ARHGAP42: variants seen among roughly 807,000 people sequenced by gnomAD.
ARHGAP42 encodes the protein Rho GTPase activating protein 42.
A neutral mutation model predicts 125.0 loss-of-function variants in ARHGAP42; 63 were observed. That is an observed-to-expected ratio of 0.50 (90% confidence interval 0.41 to 0.62). ARHGAP42 has a LOEUF of 0.62. Ranked by LOEUF, ARHGAP42 falls within the 20% of genes least tolerant of loss-of-function variation. The pLI is 0.00. For synonymous variants in ARHGAP42, 339 were observed against 351.0 expected (o/e 0.97, Z 0.38); for missense variants, 766 against 1,024.2 (o/e 0.75, Z 3.44).
intron 17 of ARHGAP42, among the ~76,000 whole-genome samples, chr11:100,968,281 C>T (rs1418749108): frequency 2.0e-5 from 3 of 151,906 alleles, no homozygotes; most frequent in African/African-American, 4.8e-5. Flanking sequence ...TTGTTTAATC[C>T]ATTCACATTT....
At chr11:100,861,642 C>T (rs1941373) in intron 4 of ARHGAP42, among the ~76,000 whole-genome samples, 20,434 of 152,092 alleles carry the variant, frequency 0.13, 1,534 homozygotes, top group African/African-American at 0.21. Flanking sequence ...GAGAAGGTTT[C>T]GGGAATGTCC....
intron 1 of ARHGAP42, among the ~76,000 whole-genome samples, chr11:100,745,505 G>C (rs1394350526): frequency 6.6e-6 from 1 of 152,186 alleles, no homozygotes; most frequent in Non-Finnish European, 1.5e-5. Flanking sequence ...AGTAAGAATT[G>C]AGGCTGTTAT....
intron 1 of ARHGAP42, among the ~76,000 whole-genome samples, chr11:100,767,801 A>T (rs547988774): frequency 2.0e-5 from 3 of 152,190 alleles, no homozygotes; most frequent in African/African-American, 7.2e-5. Context: ...TTTACACTAC[A>T]TATACAAATA....
At chr11:100,767,533 G>A (rs966863744) in intron 1 of ARHGAP42, among the ~76,000 whole-genome samples, 5 of 152,148 alleles carry the variant, frequency 3.3e-5, no homozygotes, top group Middle Eastern at 3.2e-3. Flanking sequence ...AGGGTACGAG[G>A]CCATAGGAAG....
chr11:100,977,626 G>A (rs1858426451), intron 21 of ARHGAP42, among the ~76,000 whole-genome samples: 1 of 152,140 alleles, frequency 6.6e-6, no homozygotes, highest in African/African-American at 2.4e-5. Context: ...CTTTCATTTT[G>A]TTTTCCTGAC....
intron 1 of ARHGAP42, among the ~76,000 whole-genome samples, chr11:100,700,452 T>C (rs1362282843): frequency 2.0e-5 from 3 of 152,224 alleles, no homozygotes; most frequent in African/African-American, 7.2e-5. Context: ...TGCTGTTTGA[T>C]AGCATTCACC....
At chr11:100,891,128 G>C (rs1330993815) in intron 4 of ARHGAP42, among the ~76,000 whole-genome samples, 1 of 152,122 alleles carries the variant, frequency 6.6e-6, no homozygotes, top group Non-Finnish European at 1.5e-5. Flanking sequence ...TTGAAAAAGG[G>C]AAGCATTGCC....
At chr11:100,718,127 A>G (rs1469983199) in intron 1 of ARHGAP42, among the ~76,000 whole-genome samples, 3 of 152,202 alleles carry the variant, frequency 2.0e-5, no homozygotes, top group African/African-American at 7.2e-5. Context: ...TCTAGCATGT[A>G]TATAGTGAAG....
In ARHGAP42 at chr11:100,898,895, G is replaced by A. The variant is rs187675921; in HGVS notation, c.385-14557G>A. On this transcript the variant is annotated intron_variant, in intron 4 of 23. Coordinates refer to ENST00000298815, the MANE Select transcript of ARHGAP42 (RefSeq NM_152432.4). ...CTTGGTTCTGCTAGCTTTTGAATGT[G>A]TTTGCTCTTCCTTCTCTAGTTCTTT... Among the ~76,000 whole-genome samples the A allele has an allele frequency of 6.0e-4, 92 of 152,126 alleles. 1 individual carries two copies. In the East Asian group the frequency reaches 0.016, roughly 27 times the overall value.
chr11:100,713,510 G>C (rs1408993913), intron 1 of ARHGAP42, among the ~76,000 whole-genome samples: 2 of 152,150 alleles, frequency 1.3e-5, no homozygotes, highest in Non-Finnish European at 2.9e-5. Flanking sequence ...AACTATCTTT[G>C]CCACACAGGT....
intron 3 of ARHGAP42, among the ~76,000 whole-genome samples, chr11:100,801,526 G>A (rs1320469130): frequency 6.6e-6 from 1 of 152,130 alleles, no homozygotes; most frequent in Non-Finnish European, 1.5e-5. Flanking sequence ...GCAGAAAAGA[G>A]CCCAAAGAAA....
intron 4 of ARHGAP42, among the ~76,000 whole-genome samples, chr11:100,883,770 TATA>T (rs757407078): frequency 6.6e-6 from 1 of 152,178 alleles, no homozygotes; most frequent in Non-Finnish European, 1.5e-5. Context: ...GCAAATGAAA[TATA>T]CCAGAAATAG....
At chr11:100,752,836 A>G (rs1335657267) in intron 1 of ARHGAP42, among the ~76,000 whole-genome samples, 1 of 152,244 alleles carries the variant, frequency 6.6e-6, no homozygotes, top group Non-Finnish European at 1.5e-5. Flanking sequence ...GTGATAGCTC[A>G]TGCACAAGTT....
chr11:100,869,368 T>A (rs1865647068), intron 4 of ARHGAP42, among the ~76,000 whole-genome samples: 1 of 151,824 alleles, frequency 6.6e-6, no homozygotes, highest in African/African-American at 2.4e-5. Flanking sequence ...GGCACTATAC[T>A]ATCCCTGCAT....
At chr11:100,736,248 C>A (rs966769753) in intron 1 of ARHGAP42, among the ~76,000 whole-genome samples, 3 of 152,194 alleles carry the variant, frequency 2.0e-5, no homozygotes, top group African/African-American at 7.2e-5. Flanking sequence ...TTTTGTGAAG[C>A]TTTGTGAGCT....
intron 22 of ARHGAP42, among the ~76,000 whole-genome samples, chr11:100,985,349 ATG>A (rs1051847532): frequency 2.0e-5 from 3 of 152,218 alleles, no homozygotes; most frequent in African/African-American, 7.2e-5. Flanking sequence ...CTATTAGAAA[ATG>A]TGATTTTTTG....
intron 9 of ARHGAP42, among the ~76,000 whole-genome samples, chr11:100,943,351 A>T (rs1057426647): frequency 2.6e-5 from 4 of 151,964 alleles, no homozygotes; most frequent in African/African-American, 9.7e-5. Flanking sequence ...TCTCTTTGCA[A>T]TCCAGGGAGT....
At chr11:100,782,507 A>T (rs1272148018) in intron 2 of ARHGAP42, among the ~76,000 whole-genome samples, 1 of 152,226 alleles carries the variant, frequency 6.6e-6, no homozygotes, top group Non-Finnish European at 1.5e-5. Context: ...TTGGCAAAAA[A>T]GTAAGGACAA....
chr11:100,916,113 T>C (rs1280945584), intron 5 of ARHGAP42, among the ~76,000 whole-genome samples: 1 of 152,170 alleles, frequency 6.6e-6, no homozygotes, highest in East Asian at 1.9e-4. Flanking sequence ...TGAAGGGTCA[T>C]CTTTTATTAA....
Sources: gnomAD v4.1 joint callset for allele counts (sites outside exome capture counted in the v4.1 genomes callset) on GRCh38, gnomAD v4.1.1 for gene constraint, MANE v1.5 for transcripts, NCBI Gene and HGNC (gene_info 2026-07-23, HGNC 2026-07-21) for gene names.